ZPBP: variants seen among roughly 807,000 people sequenced by gnomAD.
ZPBP encodes the protein zona pellucida-binding protein 1.
A neutral mutation model predicts 44.8 loss-of-function variants in ZPBP; 26 were observed. The ratio of observed to expected loss-of-function variants is 0.58; its 90% CI spans 0.43 to 0.81. The LOEUF is 0.81. ZPBP is among the 30% of genes least tolerant of loss of function. The pLI is 0.00. For synonymous variants in ZPBP, 174 were observed against 153.2 expected (o/e 1.14, Z -1.00); for missense variants, 409 against 434.0 (o/e 0.94, Z 0.51).
chr7:49,853,137 T>C (rs1210475990), intron 2 of ZPBP, among the ~76,000 whole-genome samples: 1 of 152,266 alleles, frequency 6.6e-6, no homozygotes, highest in Non-Finnish European at 1.5e-5. Flanking sequence ...CTGCGGGCTC[T>C]GAACAGGAGC....
intron 7 of ZPBP, among the ~76,000 whole-genome samples, chr7:49,972,894 G>C (rs1286548401): frequency 6.6e-6 from 1 of 151,514 alleles, no homozygotes; most frequent in Non-Finnish European, 1.5e-5. Context: ...CAATGGAACA[G>C]AATAGAGGGC....
At chr7:49,892,842 C>G (rs1391171574) in intron 2 of ZPBP, among the ~76,000 whole-genome samples, 2 of 152,236 alleles carry the variant, frequency 1.3e-5, no homozygotes, top group Admixed American at 6.5e-5. Context: ...TGAGAAAAGA[C>G]TTCTATGGTC....
chr7:49,902,895 C>T (rs543117906), intron 1 of ZPBP, among the ~76,000 whole-genome samples: 1 of 152,064 alleles, frequency 6.6e-6, no homozygotes, highest in African/African-American at 2.4e-5. Context: ...GTACGTGGAA[C>T]ATATAAATAA....
chr7:49,865,481 A>C (rs1790844207), intron 2 of ZPBP, among the ~76,000 whole-genome samples: 1 of 152,200 alleles, frequency 6.6e-6, no homozygotes, highest in Non-Finnish European at 1.5e-5. Flanking sequence ...TGCTTTTGTA[A>C]GTGGCTGATA....
chr7:50,078,932 A>G (rs963716942), intron 3 of ZPBP, among the ~76,000 whole-genome samples: 1 of 151,502 alleles, frequency 6.6e-6, no homozygotes, highest in African/African-American at 2.4e-5. Context: ...GAAGTGAAAC[A>G]TGTGGACAAC....
intron 2 of ZPBP, among the ~76,000 whole-genome samples, chr7:49,872,233 G>GGTGGAGAGA (rs1284648011): frequency 6.6e-6 from 1 of 152,054 alleles, no homozygotes; most frequent in Non-Finnish European, 1.5e-5. Flanking sequence ...TGGGGGTGGA[G>GGTGGAGAGA]GTGGAGAGAC....
chr7:49,982,731 C>G (rs540876738), intron 7 of ZPBP, among the ~76,000 whole-genome samples: 250 of 151,932 alleles, frequency 1.6e-3, no homozygotes, highest in Non-Finnish European at 2.9e-3. Context: ...ATTGTTAAAA[C>G]TCTTTTAAGA....
chr7:50,090,538 TATATATGTGTGC>T (rs1216946984), intron 1 of ZPBP, among the ~76,000 whole-genome samples: 193 of 151,946 alleles, frequency 1.3e-3, no homozygotes, highest in African/African-American at 3.9e-3. Context: ...TATATGTGTG[TATATATGTGTGC>T]ATATATATGC....
intron 6 of ZPBP, among the ~76,000 whole-genome samples, chr7:50,014,465 C>CTTTTTTT (rs11378550): frequency 2.3e-5 from 3 of 132,380 alleles, no homozygotes; most frequent in Non-Finnish European, 3.2e-5. Context: ...CTTTCTTTTT[C>CTTTTTTT]TTTTTTTTTT....
intron 7 of ZPBP, among the ~76,000 whole-genome samples, chr7:49,937,846 A>C (rs1475386359): frequency 6.6e-6 from 1 of 152,172 alleles, no homozygotes; most frequent in Non-Finnish European, 1.5e-5. Context: ...GGTTTCCATG[A>C]GTTTCACTAA....
intron 1 of ZPBP, among the ~76,000 whole-genome samples, chr7:49,929,698 C>A (rs1794383286): frequency 6.6e-6 from 1 of 152,206 alleles, no homozygotes; most frequent in Admixed American, 6.5e-5. Flanking sequence ...ACTGTCTAGA[C>A]CATATGAGCC....
At chr7:50,038,409 G>A (rs1405862155) in intron 4 of ZPBP, among the ~76,000 whole-genome samples, 1 of 152,206 alleles carries the variant, frequency 6.6e-6, no homozygotes, top group Non-Finnish European at 1.5e-5. Flanking sequence ...GCAATACTGG[G>A]ATCAGAACAT....
At chr7:49,961,025 A>C (rs1305962276) in intron 7 of ZPBP, among the ~76,000 whole-genome samples, 1 of 152,212 alleles carries the variant, frequency 6.6e-6, no homozygotes, top group Non-Finnish European at 1.5e-5. Flanking sequence ...CAATTGGCTT[A>C]CAAAAGCCAA....
chr7:49,875,801 T>C (rs546349196), intron 2 of ZPBP, among the ~76,000 whole-genome samples: 3 of 152,244 alleles, frequency 2.0e-5, no homozygotes, highest in Non-Finnish European at 4.4e-5. Context: ...TAACCATTTA[T>C]TGTTAGTATT....
At chr7:50,032,502 A>C (rs1799646940) in intron 4 of ZPBP, among the ~76,000 whole-genome samples, 1 of 152,202 alleles carries the variant, frequency 6.6e-6, no homozygotes, top group African/African-American at 2.4e-5. Context: ...CTGTATCAAA[A>C]GTATACTCTT....
chr7:49,920,968 T>A (rs1406604653), intron 1 of ZPBP: 1 of 152,232 alleles, frequency 6.6e-6, no homozygotes, highest in Admixed American at 6.5e-5. Context: ...CTGAGAATAA[T>A]GATATGCTTT....
At chr7:49,995,357 T>C (rs997701158) in intron 6 of ZPBP, among the ~76,000 whole-genome samples, 8 of 152,208 alleles carry the variant, frequency 5.3e-5, no homozygotes, top group Non-Finnish European at 8.8e-5. Flanking sequence ...GTGGGCCTTA[T>C]GGACAGGGAT....
At chr7:50,047,053 C>T (rs925039496) in intron 4 of ZPBP, among the ~76,000 whole-genome samples, 2 of 152,030 alleles carry the variant, frequency 1.3e-5, no homozygotes, top group African/African-American at 4.8e-5. Context: ...GAACAGAAAA[C>T]CAAACACTGC....
chr7:49,989,701 C>A (rs1797475337), intron 6 of ZPBP, among the ~76,000 whole-genome samples: 1 of 152,090 alleles, frequency 6.6e-6, no homozygotes, highest in South Asian at 2.1e-4. Flanking sequence ...TTCCTGTGAA[C>A]CAACCAGTAA....
Sources: gnomAD v4.1 joint callset for allele counts (sites outside exome capture counted in the v4.1 genomes callset) on GRCh38, gnomAD v4.1.1 for gene constraint, MANE v1.5 for transcripts, NCBI Gene and HGNC (gene_info 2026-07-23, HGNC 2026-07-21) for gene names.